CCDC102B: variants seen among roughly 807,000 people sequenced by gnomAD.
The protein encoded by CCDC102B is coiled-coil domain containing 102B, also known as coiled-coil domain-containing protein 102B.
A neutral mutation model predicts 57.4 loss-of-function variants in CCDC102B; 75 were observed. The ratio of observed to expected loss-of-function variants is 1.31; its 90% CI spans 1.08 to 1.58. The LOEUF (loss-of-function observed/expected upper bound fraction) is 1.58, where lower values mean the gene tolerates loss of function less well. Among genes scored for constraint, CCDC102B ranks in the 40% most tolerant of loss-of-function variants. The pLI is 0.00. For missense variants in CCDC102B, 636 were observed against 582.6 expected (o/e 1.09, Z -0.94); for synonymous variants, 206 against 201.9 (o/e 1.02, Z -0.17).
intron 6 of CCDC102B, among the ~76,000 whole-genome samples, chr18:68,965,252 T>C (rs1404749608): frequency 6.6e-6 from 1 of 151,968 alleles, no homozygotes; most frequent in Admixed American, 6.6e-5. Flanking sequence ...CTTTTCAGTC[T>C]CTTTTTTCCT....
At chr18:68,852,144 C>G (rs972793067) in intron 4 of CCDC102B, among the ~76,000 whole-genome samples, 4 of 151,826 alleles carry the variant, frequency 2.6e-5, no homozygotes, top group South Asian at 2.1e-4. Context: ...CTCTCCCCCA[C>G]TATGTACAGA....
At chr18:68,920,074 C>G (rs2041220579) in intron 6 of CCDC102B, among the ~76,000 whole-genome samples, 1 of 152,056 alleles carries the variant, frequency 6.6e-6, no homozygotes, top group African/African-American at 2.4e-5. Flanking sequence ...AGGTATTGCA[C>G]CTTGTACCCA....
At chr18:68,911,485 G>C (rs780304520) in intron 6 of CCDC102B, among the ~76,000 whole-genome samples, 4 of 150,746 alleles carry the variant, frequency 2.7e-5, no homozygotes, top group East Asian at 4.1e-4. Context: ...GGGCGCGGTG[G>C]CTCACGCCTG....
At chr18:68,910,249 C>T (rs1305550633) in intron 6 of CCDC102B, among the ~76,000 whole-genome samples, 1 of 152,164 alleles carries the variant, frequency 6.6e-6, no homozygotes, top group Admixed American at 6.5e-5. Context: ...GCTGAGATCA[C>T]ACCACTGCAC....
chr18:68,926,963 T>G (rs979207146), intron 6 of CCDC102B, among the ~76,000 whole-genome samples: 6 of 152,012 alleles, frequency 3.9e-5, no homozygotes, highest in Non-Finnish European at 7.4e-5. Context: ...GCTGATTAGA[T>G]TTTTACAAGT....
intron 6 of CCDC102B, among the ~76,000 whole-genome samples, chr18:68,939,815 A>G (rs746526143): frequency 6.6e-6 from 1 of 151,802 alleles, no homozygotes; most frequent in Admixed American, 6.6e-5. Context: ...CAACATGCAG[A>G]CACTTATTAT....
At chr18:69,055,992 C>T (rs1047913200), downstream of CCDC102B, among the ~76,000 whole-genome samples, 1 of 152,072 alleles carries the variant, frequency 6.6e-6, no homozygotes, top group African/African-American at 2.4e-5. Context: ...TTGATAACTA[C>T]CCCTTCCAGG....
At chr18:68,862,528 C>T (rs1462723484) in intron 4 of CCDC102B, among the ~76,000 whole-genome samples, 2 of 152,090 alleles carry the variant, frequency 1.3e-5, no homozygotes, top group African/African-American at 4.8e-5. Flanking sequence ...CTTACATGAA[C>T]TACCATCCAT....
At chr18:68,830,907 GA>G (rs1172771182) in intron 1 of CCDC102B, among the ~76,000 whole-genome samples, 2 of 151,890 alleles carry the variant, frequency 1.3e-5, no homozygotes, top group Admixed American at 1.3e-4. Flanking sequence ...CAGCCTGCCA[GA>G]AAACAGGAAT....
At chr18:69,004,765 A>G (rs1219816932) in intron 6 of CCDC102B, among the ~76,000 whole-genome samples, 2 of 152,172 alleles carry the variant, frequency 1.3e-5, no homozygotes, top group Non-Finnish European at 2.9e-5. Context: ...TAACTAGTTC[A>G]CTTTTATATG....
chr18:68,818,753 T>C (rs1409136941), intron 1 of CCDC102B, among the ~76,000 whole-genome samples: 1 of 152,194 alleles, frequency 6.6e-6, no homozygotes, highest in Non-Finnish European at 1.5e-5. Flanking sequence ...TTTGCATCCA[T>C]TTTTAGTTTA....
intron 2 of CCDC102B, among the ~76,000 whole-genome samples, chr18:68,758,318 G>A (rs1377517077): frequency 1.3e-5 from 2 of 151,540 alleles, no homozygotes; most frequent in African/African-American, 4.8e-5. Flanking sequence ...ATTTGGTTTG[G>A]TGTCTATACA....
At chr18:68,787,942 T>C (rs1285265153) in intron 2 of CCDC102B, among the ~76,000 whole-genome samples, 2 of 151,308 alleles carry the variant, frequency 1.3e-5, no homozygotes, top group East Asian at 3.9e-4. Context: ...TTTGGATCTT[T>C]CCTGCTTTCT....
chr18:68,863,178 T>TTATA lies in CCDC102B; in HGVS notation c.937-11479_937-11476dup, dbSNP rs60979864. On this transcript the variant is annotated intron_variant, in intron 4 of 7. Transcript: ENST00000360242. ...ATTGGATATATATTTTAAGGTGTGT[T>TTATA]TATATATATATATATTTATATCTAT... is the stretch of plus-strand genomic sequence containing the variant. Among the ~76,000 whole-genome samples, 793 of 150,182 alleles carry TTATA rather than the reference T, an allele frequency of 5.3e-3. 3 individuals are homozygous for TTATA. The highest frequency in any genetic ancestry group is 7.7e-3 in the Non-Finnish European group (521 of 67,354).
At chr18:68,954,965 C>T (rs1243894559) in intron 6 of CCDC102B, among the ~76,000 whole-genome samples, 1 of 152,136 alleles carries the variant, frequency 6.6e-6, no homozygotes, top group African/African-American at 2.4e-5. Flanking sequence ...ACACTACAGC[C>T]ACAGGAAGTG....
At chr18:68,750,938 T>TA (rs1391269443) in intron 2 of CCDC102B, among the ~76,000 whole-genome samples, 3 of 151,448 alleles carry the variant, frequency 2.0e-5, no homozygotes, top group Non-Finnish European at 4.4e-5. Flanking sequence ...CCCTAGAACT[T>TA]AAAGTATAAT....
rs918982812 is a variant in CCDC102B at position 68,785,640 on chromosome 18, C to G, written c.-66-37726C>G. Among the ~76,000 whole-genome samples, 27 of 149,382 alleles carry G rather than the reference C, an allele frequency of 1.8e-4. 1 individual carries two copies. Among genetic ancestry groups the G allele is most frequent in the African/African-American group, 6.4e-4 (26 of 40,478 alleles). On this transcript the variant is annotated intron_variant, in intron 2 of 3. Coordinates refer to the CCDC102B transcript ENST00000578970. Reference sequence around the variant, plus strand: ...ATAAATGTCTTCTTTTGAGAAGTGTCTGTTCATGTCCTTCGCCCACTTTTT... The same window carrying G: ...ATAAATGTCTTCTTTTGAGAAGTGTGTGTTCATGTCCTTCGCCCACTTTTT...
chr18:68,901,351 T>C (rs990338980), intron 6 of CCDC102B, among the ~76,000 whole-genome samples: 1 of 152,150 alleles, frequency 6.6e-6, no homozygotes, highest in Admixed American at 6.5e-5. Context: ...ATTATAAGCC[T>C]TTGAAACCAT....
At chr18:68,791,606 T>C in intron 2 of CCDC102B, among the ~76,000 whole-genome samples, 1 of 137,052 alleles carries the variant, frequency 7.3e-6, no homozygotes, top group East Asian at 2.1e-4. Context: ...GTTTGAAATG[T>C]GTAAATAGAG....
Sources: gnomAD v4.1 joint callset for allele counts (sites outside exome capture counted in the v4.1 genomes callset) on GRCh38, gnomAD v4.1.1 for gene constraint, MANE v1.5 for transcripts, NCBI Gene and HGNC (gene_info 2026-07-23, HGNC 2026-07-21) for gene names.